Variants in ROBO1 observed in about 807,000 individuals in gnomAD.
ROBO1 encodes the protein roundabout guidance receptor 1.
Under a neutral mutation model 195.9 loss-of-function variants are expected in ROBO1, and 149 were observed. The observed-to-expected ratio is 0.76, with a 90% CI of 0.67 to 0.87. The LOEUF (loss-of-function observed/expected upper bound fraction) is 0.87, where lower values mean the gene tolerates loss of function less well. Among genes scored for constraint, ROBO1 ranks in the 40% least tolerant of loss-of-function variants. The probability of loss-of-function intolerance (pLI) is 0.00; values close to 1 mark genes in which losing one functional copy is unlikely to be tolerated. For synonymous variants in ROBO1, 816 were observed against 733.2 expected (o/e 1.11, Z -1.82); for missense variants, 1,933 against 2,068.3 (o/e 0.93, Z 1.27).
chr3:79,622,569 T>A (rs1398473678), intron 1 of ROBO1, among the ~76,000 whole-genome samples: 1 of 152,194 alleles, frequency 6.6e-6, no homozygotes, highest in Non-Finnish European at 1.5e-5. Context: ...TGTGGCAGTC[T>A]GTGACAAGAG....
At chr3:78,737,027 G>T (rs1283011497) in intron 5 of ROBO1, among the ~76,000 whole-genome samples, 4 of 152,120 alleles carry the variant, frequency 2.6e-5, no homozygotes, top group Non-Finnish European at 5.9e-5. Flanking sequence ...CACATGGTGG[G>T]TACCTTTAGG....
intron 2 of ROBO1, among the ~76,000 whole-genome samples, chr3:79,256,242 C>T (rs2082831325): frequency 6.6e-6 from 1 of 152,250 alleles, no homozygotes; most frequent in Admixed American, 6.5e-5. Context: ...CTTTCTAAGT[C>T]TCCTCTTCTT....
chr3:79,147,393 T>G (rs1423870368), intron 2 of ROBO1, among the ~76,000 whole-genome samples: 1 of 151,930 alleles, frequency 6.6e-6, no homozygotes, highest in African/African-American at 2.4e-5. Context: ...GAGTTTTCTT[T>G]TTAGTAAATG....
At chr3:78,921,002 C>G (rs1453549106) in intron 4 of ROBO1, among the ~76,000 whole-genome samples, 1 of 151,940 alleles carries the variant, frequency 6.6e-6, no homozygotes, top group Non-Finnish European at 1.5e-5. Flanking sequence ...ATTTAAACTA[C>G]CTGAGCCTCG....
At chr3:79,556,567 T>C (rs957938343) in intron 2 of ROBO1, among the ~76,000 whole-genome samples, 3 of 152,100 alleles carry the variant, frequency 2.0e-5, no homozygotes, top group African/African-American at 7.2e-5. Context: ...CTCCAATAAG[T>C]TGAGCTGTAT....
chr3:79,716,182 C>A (rs1702477284), intron 1 of ROBO1, among the ~76,000 whole-genome samples: 1 of 151,826 alleles, frequency 6.6e-6, no homozygotes, highest in South Asian at 2.1e-4. Context: ...ATTATTATAT[C>A]TGATTTGTCA....
intron 5 of ROBO1, among the ~76,000 whole-genome samples, chr3:78,743,437 C>G (rs912645486): frequency 6.6e-6 from 1 of 152,110 alleles, no homozygotes; most frequent in African/African-American, 2.4e-5. Flanking sequence ...AGTGACTGCT[C>G]CCTCTCAGTT....
intron 1 of ROBO1, among the ~76,000 whole-genome samples, chr3:79,696,753 A>G (rs1293673512): frequency 6.6e-6 from 1 of 151,440 alleles, no homozygotes; most frequent in Non-Finnish European, 1.5e-5. Flanking sequence ...ACTTTCTCAT[A>G]GACTGTCATC....
intron 10 of ROBO1, among the ~76,000 whole-genome samples, chr3:78,678,290 C>G (rs1407537066): frequency 3.3e-5 from 5 of 150,734 alleles, no homozygotes; most frequent in Non-Finnish European, 5.9e-5. Context: ...CAAACACATT[C>G]AAAAGCTAGC....
chr3:79,110,771 C>T (rs1233808882), intron 3 of ROBO1, among the ~76,000 whole-genome samples: 1 of 151,570 alleles, frequency 6.6e-6, no homozygotes, highest in Non-Finnish European at 1.5e-5. Context: ...TACAAGTGTG[C>T]ACCACCACAC....
chr3:79,615,349 T>A (rs1337968412), intron 1 of ROBO1, among the ~76,000 whole-genome samples: 1 of 152,170 alleles, frequency 6.6e-6, no homozygotes, highest in Non-Finnish European at 1.5e-5. Context: ...CTTTGAGTTG[T>A]TCCATATTTC....
chr3:79,660,633 T>A (rs944731600), intron 1 of ROBO1, among the ~76,000 whole-genome samples: 1 of 152,086 alleles, frequency 6.6e-6, no homozygotes, highest in Non-Finnish European at 1.5e-5. Context: ...CTGATAAGAA[T>A]AAAAATCTCT....
intron 4 of ROBO1, among the ~76,000 whole-genome samples, chr3:78,926,744 A>C (rs2039244235): frequency 6.6e-6 from 1 of 152,162 alleles, no homozygotes; most frequent in Non-Finnish European, 1.5e-5. Context: ...GTAAGTCATA[A>C]AGCAAAAAAC....
intron 2 of ROBO1, among the ~76,000 whole-genome samples, chr3:79,150,831 A>G (rs2080753181): frequency 6.6e-6 from 1 of 151,736 alleles, no homozygotes; most frequent in Admixed American, 6.6e-5. Flanking sequence ...TACACACCAA[A>G]TCTCACTGAA....
intron 2 of ROBO1, among the ~76,000 whole-genome samples, chr3:79,381,884 A>T (rs549106382): frequency 7.2e-5 from 11 of 152,284 alleles, no homozygotes; most frequent in Non-Finnish European, 1.0e-4. Context: ...AATATATTTG[A>T]AATGGAACTT....
chr3:79,741,640 T>C (rs1703654358), intron 1 of ROBO1, among the ~76,000 whole-genome samples: 1 of 152,114 alleles, frequency 6.6e-6, no homozygotes, highest in Non-Finnish European at 1.5e-5. Flanking sequence ...GCTATAAAGA[T>C]ATCTGAAAAT....
At chr3:78,714,659 C>A in intron 7 of ROBO1, 135 bp from the exon 8 acceptor site, 1 of 712,304 alleles carries the variant, frequency 1.4e-6, no homozygotes, top group Non-Finnish European at 2.1e-6. Context: ...ACATGGTATT[C>A]CTCTAAGTCA....
chr3:79,622,319 A>T (rs1945032649), intron 1 of ROBO1, among the ~76,000 whole-genome samples: 1 of 152,152 alleles, frequency 6.6e-6, no homozygotes, highest in South Asian at 2.1e-4. Context: ...TGAACTCTTG[A>T]GGGAAGGGGC....
chr3:78,805,360 CAT>C, intron 4 of ROBO1, among the ~76,000 whole-genome samples: 1 of 152,180 alleles, frequency 6.6e-6, no homozygotes, highest in Admixed American at 6.5e-5. Flanking sequence ...ATACAAACCA[CAT>C]GAGAAAGTCA....
Sources: gnomAD v4.1 joint callset for allele counts (sites outside exome capture counted in the v4.1 genomes callset) on GRCh38, gnomAD v4.1.1 for gene constraint, MANE v1.5 for transcripts, NCBI Gene and HGNC (gene_info 2026-07-23, HGNC 2026-07-21) for gene names.